Variants in SEMA3D observed in about 807,000 individuals in gnomAD.
The protein encoded by SEMA3D is semaphorin 3D, also known as semaphorin-3D.
SEMA3D carries 84 observed loss-of-function variants against 100.1 expected under a neutral mutation model. The ratio of observed to expected loss-of-function variants is 0.84; its 90% CI spans 0.70 to 1.01. The LOEUF is 1.01. Among genes scored for constraint, SEMA3D ranks in the 50% least tolerant of loss-of-function variants. The pLI is 0.00. For synonymous variants in SEMA3D, 312 were observed against 320.7 expected (o/e 0.97, Z 0.29); for missense variants, 875 against 934.1 (o/e 0.94, Z 0.82).
At chr7:85,216,938 G>A in the SEMA3D span, among the ~76,000 whole-genome samples, 14 of 151,640 alleles carry the variant, frequency 9.2e-5, no homozygotes, top group African/African-American at 2.4e-4. Context: ...TTGAGTCTCC[G>A]TGGTCATTAA....
At chr7:85,163,340 A>T (rs544821255) in intron 1 of SEMA3D, among the ~76,000 whole-genome samples, 2 of 152,294 alleles carry the variant, frequency 1.3e-5, no homozygotes, top group South Asian at 4.1e-4. Flanking sequence ...GAATTCAGTA[A>T]GAAAATTGTT....
the SEMA3D span, among the ~76,000 whole-genome samples, chr7:85,212,564 C>T: frequency 1.3e-5 from 2 of 151,278 alleles, no homozygotes; most frequent in Admixed American, 6.6e-5. Context: ...TCTGTAAATG[C>T]ATGTGCATGC....
chr7:85,158,902 G>C (rs12537310), intron 1 of SEMA3D, among the ~76,000 whole-genome samples: 12,861 of 152,012 alleles, frequency 0.085, 1,326 homozygotes, highest in East Asian at 0.3. Context: ...AATTTTTTCT[G>C]TTTCACTAAG....
intron 17 of SEMA3D, among the ~76,000 whole-genome samples, chr7:85,007,148 ATT>A (rs1281979503): frequency 6.6e-6 from 1 of 151,890 alleles, no homozygotes; most frequent in Non-Finnish European, 1.5e-5. Context: ...TGTAATTTTT[ATT>A]CTTTCATCAA....
At chr7:85,118,456 GTTGATTT>G (rs1298929818) in intron 3 of SEMA3D, among the ~76,000 whole-genome samples, 1 of 151,918 alleles carries the variant, frequency 6.6e-6, no homozygotes, top group Non-Finnish European at 1.5e-5. Context: ...TGAGAATATG[GTTGATTT>G]GGGTTTTCTT....
intron 2 of SEMA3D, chr7:85,140,556 C>T (rs1462901524): frequency 1.0e-6 from 1 of 979,562 alleles, no homozygotes; most frequent in Non-Finnish European, 1.2e-6. Context: ...TTCTGTCCAA[C>T]ATTTTATAGC....
chr7:85,065,272 G>T, intron 8 of SEMA3D, 152 bp downstream of exon 8: 1 of 689,876 alleles, frequency 1.4e-6, no homozygotes, highest in Non-Finnish European at 2.3e-6. Flanking sequence ...AGGTTTTGGA[G>T]ATTTTCTTAG....
intron 12 of SEMA3D, chr7:85,029,213 G>C: frequency 2.8e-6 from 2 of 712,520 alleles, no homozygotes; most frequent in South Asian, 2.8e-5. Context: ...GTGCTCATCA[G>C]ATTGAAGTCA....
chr7:85,168,841 G>GA (rs1276823147), intron 1 of SEMA3D, among the ~76,000 whole-genome samples: 11 of 60,666 alleles, frequency 1.8e-4, no homozygotes, highest in Admixed American at 1.5e-3. Context: ...AAGAAAGAAA[G>GA]AAAGAAAGAA....
In SEMA3D at chr7:85,063,255, T is replaced by C. The variant is rs779143454; in HGVS notation, c.718+2169A>G. 4.1e-4 allele frequency among the ~76,000 whole-genome samples: 63 copies of C among 152,114 alleles called. 1 individual carries two copies. The highest frequency in any genetic ancestry group is 1.2e-4 in the Non-Finnish European group (8 of 68,022). ...ATAAGTTCCACAGAATCAATTTTAGTCTAAACAGGGACACTTTTAAGAGTA... is the reference window on the plus strand; with the variant it reads ...ATAAGTTCCACAGAATCAATTTTAGCCTAAACAGGGACACTTTTAAGAGTA... On this transcript the variant is annotated intron_variant, in intron 8 of 18. Coordinates refer to ENST00000284136, the MANE Select transcript of SEMA3D (RefSeq NM_001384900.1).
rs1043831272 is a variant in SEMA3D, at chr7:85,143,002, T to A, written c.-41+10606A>T. ...CCTTAGACAACTTACTAAACTTTTT[T>A]ATCTTTTCAATAAATATGGCTTTCA... On this transcript the variant is annotated intron_variant, in intron 2 of 18. Coordinates refer to ENST00000284136, the MANE Select transcript of SEMA3D (RefSeq NM_001384900.1). The A allele has an allele frequency of 3.1e-6, 3 of 974,508 alleles. No individual in the cohort carries two copies. The African/African-American group carries it at 5.3e-5, about 17-fold the overall frequency. 60.4% of individuals were successfully genotyped at this position (974,508 alleles called of 1,614,324 possible). A position where few individuals can be genotyped will look rare whatever the true frequency, so the allele number is the denominator to read the frequency against.
chr7:85,148,197 T>C (rs1269858830), intron 2 of SEMA3D, among the ~76,000 whole-genome samples: 2 of 152,182 alleles, frequency 1.3e-5, no homozygotes, highest in East Asian at 3.9e-4. Context: ...AGCTACTAAG[T>C]ATCACTATTA....
Position 85,096,944 on chromosome 7 carries a change from G to A in SEMA3D, c.312+861C>T, listed in dbSNP as rs183640851. On this transcript the variant is annotated intron_variant, in intron 4 of 18. Coordinates refer to ENST00000284136, the MANE Select transcript of SEMA3D (RefSeq NM_001384900.1). ...ACTATTGGATTTAAACCGTGCAACT[G>A]CTCCTAATCTTTTTTTTCAATACTT... 6.3e-4 allele frequency among the ~76,000 whole-genome samples: 96 copies of A among 151,848 alleles called. 1 individual carries two copies. The East Asian group carries it at 0.017, about 27-fold the overall frequency.
intron 14 of SEMA3D, among the ~76,000 whole-genome samples, chr7:85,019,189 T>C (rs1790187160): frequency 6.6e-6 from 1 of 151,740 alleles, no homozygotes; most frequent in South Asian, 2.1e-4. Flanking sequence ...CAAAAGCTGG[T>C]CATTTATGTA....
At chr7:85,115,467 C>G (rs1164392920) in intron 3 of SEMA3D, among the ~76,000 whole-genome samples, 1 of 152,008 alleles carries the variant, frequency 6.6e-6, no homozygotes, top group African/African-American at 2.4e-5. Context: ...TTTGCATTAC[C>G]CACGTTTGTC....
At chr7:85,049,796 C>T (rs541318875) in intron 9 of SEMA3D, among the ~76,000 whole-genome samples, 3 of 151,788 alleles carry the variant, frequency 2.0e-5, no homozygotes, top group African/African-American at 7.2e-5. Flanking sequence ...AAGCAAAGGG[C>T]TATTAATGAG....
At chr7:85,029,263 C>T (rs1388814442) in intron 12 of SEMA3D, 2 of 808,708 alleles carry the variant, frequency 2.5e-6, no homozygotes, top group Admixed American at 3.4e-5. Flanking sequence ...AATGTCTACT[C>T]TCACTGATGA....
intron 4 of SEMA3D, among the ~76,000 whole-genome samples, chr7:85,089,888 T>C (rs1380232129): frequency 6.6e-6 from 1 of 151,906 alleles, no homozygotes; most frequent in African/African-American, 2.4e-5. Flanking sequence ...TGCGAACCTA[T>C]CTCATAAAAC....
chr7:85,167,212 T>C (rs1194270473), intron 1 of SEMA3D: 2 of 925,184 alleles, frequency 2.2e-6, no homozygotes, highest in Non-Finnish European at 2.6e-6. Context: ...AGAGTTGAAA[T>C]GTTATAATAG....
Sources: allele counts gnomAD v4.1 joint callset (sites outside exome capture counted in the v4.1 genomes callset), GRCh38; gene constraint gnomAD v4.1.1; transcripts MANE v1.5; gene names NCBI Gene and HGNC (gene_info 2026-07-23, HGNC 2026-07-21).